OSMR: variants seen among roughly 807,000 people sequenced by gnomAD.
OSMR encodes the protein oncostatin M receptor.
OSMR carries 81 observed loss-of-function variants against 99.9 expected under a neutral mutation model. That is an observed-to-expected ratio of 0.81 (90% CI 0.68 to 0.97). OSMR has a LOEUF of 0.97. Ranked by LOEUF, OSMR falls within the 50% of genes least tolerant of loss-of-function variation. OSMR has a pLI of 0.00. For synonymous variants in OSMR, 406 were observed against 410.4 expected (o/e 0.99, Z 0.13); for missense variants, 1,099 against 1,153.4 (o/e 0.95, Z 0.68).
chr5:38,945,105 T>C (rs1748037070), exon 3 of OSMR: 2 of 1,429,060 alleles, frequency 1.4e-6, no homozygotes, highest in South Asian at 1.2e-5. Flanking sequence ...TAAAGCACCA[T>C]AACGGCTTAA....
chr5:38,853,219 T>C (rs1561328632), intron 1 of OSMR, among the ~76,000 whole-genome samples: 1 of 152,222 alleles, frequency 6.6e-6, no homozygotes, highest in Non-Finnish European at 1.5e-5. Context: ...ATTCCTTGCA[T>C]TGATATCTTT....
chr5:38,868,887 TA>T, intron 1 of OSMR, 144 bp from the exon 2 acceptor site: 1 of 949,884 alleles, frequency 1.1e-6, no homozygotes, highest in Non-Finnish European at 1.5e-6. Flanking sequence ...GGGGGGACTC[TA>T]AAGTACCATG....
intron 1 of OSMR, among the ~76,000 whole-genome samples, chr5:38,852,250 C>G: frequency 6.6e-6 from 1 of 152,154 alleles, no homozygotes; most frequent in Non-Finnish European, 1.5e-5. Flanking sequence ...CTATAACAGT[C>G]TTTAAACACA....
intron 1 of OSMR, chr5:38,941,373 T>C (rs1424871617): frequency 4.3e-6 from 1 of 231,776 alleles, no homozygotes; most frequent in Non-Finnish European, 8.5e-6. Context: ...AATGTGTAAA[T>C]TGCAAGCAAA....
intron 1 of OSMR, chr5:38,940,795 T>C (rs1054138493): frequency 1.7e-5 from 4 of 232,000 alleles, no homozygotes; most frequent in Non-Finnish European, 2.6e-5. Flanking sequence ...CTCTGTGAGT[T>C]ATGTTTTCTA....
At chr5:38,942,981 A>C (rs1184741560) in intron 1 of OSMR, 1 of 1,586,994 alleles carries the variant, frequency 6.3e-7, no homozygotes. Flanking sequence ...TCTAAAATAA[A>C]AGATTATGGT....
At position 38,933,039 on chromosome 5, in the gene OSMR, G is replaced by A. The variant is rs1396938444; in HGVS notation, c.2535G>A (p.Lys845=). Residue 845 remains lysine (K), a synonymous_variant, in exon 18 of 18, where the codon AAG becomes AAA. Coordinates refer to ENST00000274276, the MANE Select transcript of OSMR (RefSeq NM_003999.3). ...PNYLYLLPTE[K]NHSGPGPCIC... ...ACCTTTATCTCCTTCCAACAGAAAA[G>A]AATCACTCTGGCCCTGGCCCCTGCA... The A allele has an allele frequency of 6.2e-7, 1 of 1,614,142 alleles. No homozygotes were observed. Among genetic ancestry groups the A allele is most frequent in the Non-Finnish European group, 8.5e-7 (1 of 1,180,004 alleles).
chr5:38,945,045 C>T (rs1561436214), exon 3 of OSMR: 3 of 1,608,370 alleles, frequency 1.9e-6, no homozygotes, highest in Non-Finnish European at 2.5e-6. Flanking sequence ...TCACACCAAT[C>T]AGAATATGGA....
At chr5:38,852,327 A>G (rs1049887760) in intron 1 of OSMR, among the ~76,000 whole-genome samples, 1 of 152,232 alleles carries the variant, frequency 6.6e-6, no homozygotes, top group Non-Finnish European at 1.5e-5. Context: ...ATAGAATTAC[A>G]GAATGATTTC....
Position 38,933,381 on chromosome 5 carries a change from C to G in OSMR, c.2877C>G (p.Pro959=), listed in dbSNP as rs190725368. Reference sequence around the variant, plus strand: ...TCTCCCTGCGTCTTGCCTTGCCTCCCCCGACCGAGAATAGCAGCCTCTCCT... The same window carrying G: ...TCTCCCTGCGTCTTGCCTTGCCTCCGCCGACCGAGAATAGCAGCCTCTCCT... ...MAVSLRLALP[P]PTENSSLSSI... Residue 959 remains proline, a synonymous_variant, in exon 18 of 18, where the codon CCC becomes CCG. Coordinates refer to ENST00000274276, the MANE Select transcript of OSMR (RefSeq NM_003999.3). 1.7e-4 allele frequency: 277 copies of G among 1,614,050 alleles called. 1 individual carries two copies. In the East Asian group the frequency reaches 5.9e-3, roughly 34 times the overall value.
At position 38,885,362 on chromosome 5, in the gene OSMR, G is replaced by T; in HGVS notation, c.717G>T (p.Glu239Asp). ...TTGTATGGACAGAAGTACTTGAGGA[G>T]CCCAAGGACTTTTCTTGTGAAACCG... ...IVLFVSKVLE[E>D]PKDFSCETED... Residue 239 changes from glutamate to aspartate, a missense_variant, in exon 6 of 18, where the codon GAG (glutamate) becomes GAT (aspartate). Coordinates refer to ENST00000274276, the MANE Select transcript of OSMR (RefSeq NM_003999.3). 6.2e-7 allele frequency: 1 copy of T among 1,613,842 alleles called. No homozygotes were observed. Among genetic ancestry groups the T allele is most frequent in the Non-Finnish European group, 8.5e-7 (1 of 1,179,820 alleles).
At chr5:38,862,764 C>T (rs1300927040) in intron 1 of OSMR, among the ~76,000 whole-genome samples, 1 of 151,806 alleles carries the variant, frequency 6.6e-6, no homozygotes, top group Non-Finnish European at 1.5e-5. Context: ...GACGGGGTGG[C>T]GGCCGGGCAG....
chr5:38,928,885 A>G (rs1746592916), intron 15 of OSMR, among the ~76,000 whole-genome samples: 1 of 152,072 alleles, frequency 6.6e-6, no homozygotes, highest in South Asian at 2.1e-4. Context: ...CGACCTTTGG[A>G]ATTTACTTGG....
At chr5:38,906,061 C>T (rs997155606) in intron 9 of OSMR, among the ~76,000 whole-genome samples, 6 of 151,968 alleles carry the variant, frequency 3.9e-5, no homozygotes, top group African/African-American at 9.7e-5. Flanking sequence ...CCTAGGTGTA[C>T]GGGTTCCTCA....
At chr5:38,891,499 C>T (rs1744155485) in intron 7 of OSMR, among the ~76,000 whole-genome samples, 1 of 152,200 alleles carries the variant, frequency 6.6e-6, no homozygotes, top group African/African-American at 2.4e-5. Context: ...CAGAGATGAG[C>T]AAAGCCCAGG....
chr5:38,904,493 A>G lies in OSMR; in HGVS notation c.1275A>G (p.Thr425=), dbSNP rs1041049529. Residue 425 remains threonine (T), a synonymous_variant, in exon 9 of 18, where the codon ACA becomes ACG. Transcript: ENST00000274276. ...WSEWSGQNFT[T]LEAAPSEAPD... is the part of the protein sequence containing the mutation. ...AATGGAGTGGTCAGAACTTCACCAC[A>G]CTTGAAGCTGGTATGTTCAGCCCCT... The G allele has an allele frequency of 6.2e-7, 1 of 1,614,062 alleles. No homozygotes were observed. Among genetic ancestry groups the G allele is most frequent in the African/African-American group, 1.3e-5 (1 of 74,906 alleles).
chr5:38,857,252 C>T (rs1043406894), intron 1 of OSMR, among the ~76,000 whole-genome samples: 1 of 152,178 alleles, frequency 6.6e-6, no homozygotes, highest in Non-Finnish European at 1.5e-5. Context: ...GAATCATCTG[C>T]TTTTAAATTT....
rs61559728 is a variant in OSMR, at chr5:38,852,718, A to ATTTTTTTTTTTTTTTTT, written c.-14+6345_-14+6361dup. On this transcript the variant is annotated intron_variant, in intron 1 of 17. Coordinates refer to ENST00000274276, the MANE Select transcript of OSMR (RefSeq NM_003999.3). ...GATACATATTGAAACTATTGTTTTC[A>ATTTTTTTTTTTTTTTTT]TTTTTTTTTTTTTTTTTTTTTTTTT... 1.6e-3 allele frequency among the ~76,000 whole-genome samples: 114 copies of ATTTTTTTTTTTTTTTTT among 70,674 alleles called. 21 individuals carry two copies. Among genetic ancestry groups the ATTTTTTTTTTTTTTTTT allele is most frequent in the African/African-American group, 3.1e-3 (58 of 18,690 alleles). 46.4% of individuals were successfully genotyped at this position (70,674 alleles called of 152,430 possible). A position where few individuals can be genotyped will look rare whatever the true frequency, so the allele number is the denominator to read the frequency against.
intron 13 of OSMR, among the ~76,000 whole-genome samples, chr5:38,923,673 TC>T (rs938064340): frequency 2.6e-5 from 4 of 152,166 alleles, no homozygotes; most frequent in African/African-American, 9.7e-5. Context: ...GTTACCACTG[TC>T]CCCCCAGCAG....
Sources: allele counts gnomAD v4.1 joint callset (sites outside exome capture counted in the v4.1 genomes callset), GRCh38; gene constraint gnomAD v4.1.1; transcripts MANE v1.5; gene names NCBI Gene and HGNC (gene_info 2026-07-23, HGNC 2026-07-21).